CBR4: variants seen among roughly 807,000 people sequenced by gnomAD.
CBR4 encodes 3-oxoacyl-[acyl-carrier-protein] reductase.
In CBR4, 22 loss-of-function variants were observed where a neutral mutation model predicts 21.0. That is an observed-to-expected ratio of 1.05 (90% CI 0.75 to 1.50). The LOEUF (loss-of-function observed/expected upper bound fraction) is 1.50, where lower values mean the gene tolerates loss of function less well. Ranked by LOEUF, CBR4 falls within the 40% of genes most tolerant of loss-of-function variation. The pLI, the probability that CBR4 is intolerant of heterozygous loss-of-function variation, is 0.00. For synonymous variants in CBR4, 100 were observed against 104.4 expected, an observed-to-expected ratio of 0.96 and a Z score of 0.26; for missense variants, 302 against 286.3, an observed-to-expected ratio of 1.05 and a Z score of -0.40.
Position 169,010,106 on chromosome 4 carries a change from C to A in CBR4, c.-17G>T. The A allele has an allele frequency of 1.3e-6, 2 of 1,597,932 alleles. No homozygotes were observed. Among genetic ancestry groups the A allele is most frequent in the Non-Finnish European group, 1.7e-6 (2 of 1,172,086 alleles). On this transcript the variant is annotated 5_prime_UTR_variant, in exon 1 of 5. Transcript: ENST00000306193. Reference sequence around the variant, plus strand: ...TTTGTCCATCTCGGAGTCACAAACTCGGAGGAAAGAGGGTAGGGAGTGGGA... The same window carrying A: ...TTTGTCCATCTCGGAGTCACAAACTAGGAGGAAAGAGGGTAGGGAGTGGGA...
At chr4:168,929,560 C>T (rs941788948) in intron 2 of CBR4, among the ~76,000 whole-genome samples, 3 of 152,108 alleles carry the variant, frequency 2.0e-5, no homozygotes, top group African/African-American at 4.8e-5. Context: ...GCTACAACCT[C>T]CTTTATCATC....
At chr4:168,971,565 T>C (rs983714100) in intron 2 of CBR4, among the ~76,000 whole-genome samples, 5 of 151,854 alleles carry the variant, frequency 3.3e-5, no homozygotes, top group Non-Finnish European at 5.9e-5. Flanking sequence ...ATTAGAGGCA[T>C]GGGCCACTGC....
intron 2 of CBR4, among the ~76,000 whole-genome samples, chr4:168,959,470 T>C (rs897805807): frequency 2.6e-5 from 4 of 152,092 alleles, no homozygotes; most frequent in Non-Finnish European, 2.9e-5. Flanking sequence ...GGTAGTATAA[T>C]TTCTCCAATT....
At chr4:168,984,934 TG>T (rs1560978009), downstream of CBR4, among the ~76,000 whole-genome samples, 1 of 152,144 alleles carries the variant, frequency 6.6e-6, no homozygotes, top group Admixed American at 6.6e-5. Flanking sequence ...AAGACTTAAA[TG>T]TAAAACCTAA....
chr4:169,010,100 C>G lies in CBR4; in HGVS notation c.-11G>C. ...ACACACTTTGTCCATCTCGGAGTCA[C>G]AAACTCGGAGGAAAGAGGGTAGGGA... On this transcript the variant is annotated 5_prime_UTR_variant, in exon 1 of 5. Coordinates refer to ENST00000306193, the MANE Select transcript of CBR4 (RefSeq NM_032783.5). 1 of 1,578,204 alleles carries G rather than the reference C, an allele frequency of 6.3e-7. No homozygotes were observed. Among genetic ancestry groups the G allele is most frequent in the Non-Finnish European group, 8.6e-7 (1 of 1,160,556 alleles).
At chr4:169,005,875 G>A (rs1007924336) in intron 3 of CBR4, 3 of 1,287,504 alleles carry the variant, frequency 2.3e-6, no homozygotes, top group East Asian at 1.1e-4. Flanking sequence ...AAAAGAACAG[G>A]GTCACTTACT....
chr4:168,966,658 G>A (rs185067141), intron 2 of CBR4, among the ~76,000 whole-genome samples: 2 of 152,298 alleles, frequency 1.3e-5, no homozygotes, highest in Admixed American at 6.5e-5. Context: ...GCGACTCAAG[G>A]ATCTAGAACC....
At chr4:168,903,513 T>G (rs2151303901) in intron 2 of CBR4, among the ~76,000 whole-genome samples, 1 of 152,262 alleles carries the variant, frequency 6.6e-6, no homozygotes, top group South Asian at 2.1e-4. Flanking sequence ...AAATAATATA[T>G]GAATGTAAGT....
At chr4:168,955,345 T>C (rs577203125) in intron 2 of CBR4, among the ~76,000 whole-genome samples, 9 of 152,144 alleles carry the variant, frequency 5.9e-5, no homozygotes, top group Non-Finnish European at 1.2e-4. Context: ...CTTTGAGAAA[T>C]AGGAAATGAC....
rs945844854 is a variant in CBR4 at position 168,988,449 on chromosome 4, G to C, written c.*1701C>G. 1.0e-6 allele frequency: 1 copy of C among 985,376 alleles called. No homozygotes were observed. Among genetic ancestry groups the C allele is most frequent in the East Asian group, 1.1e-4 (1 of 8,814 alleles). The allele number at this position is 985,376 out of a possible 1,614,324, so 61.0% of individuals were successfully genotyped here. The stretch of plus-strand genomic sequence containing the variant: ...ATGATTTCAGAGCATAAGGTGTCCA[G>C]AGAAGAAAACTCAAGACTGAATGGG... On this transcript the variant is annotated 3_prime_UTR_variant, in exon 5 of 5. Transcript: ENST00000306193.
At chr4:168,972,117 T>C (rs775866811) in intron 2 of CBR4, among the ~76,000 whole-genome samples, 4 of 152,326 alleles carry the variant, frequency 2.6e-5, no homozygotes, top group Non-Finnish European at 5.9e-5. Context: ...TGGCTTTATT[T>C]CTGGCTTCTC....
At chr4:168,911,889 T>C (rs556373346) in intron 2 of CBR4, among the ~76,000 whole-genome samples, 1 of 152,294 alleles carries the variant, frequency 6.6e-6, no homozygotes, top group African/African-American at 2.4e-5. Context: ...GAGTCACATA[T>C]GTAGTGGTAT....
intron 2 of CBR4, among the ~76,000 whole-genome samples, chr4:168,949,173 T>C (rs552553587): frequency 1.3e-5 from 2 of 152,290 alleles, no homozygotes; most frequent in African/African-American, 4.8e-5. Context: ...GCTTGGTTGT[T>C]TTTGGTGTGT....
At chr4:168,996,211 A>G (rs1206592729) in intron 4 of CBR4, among the ~76,000 whole-genome samples, 1 of 152,176 alleles carries the variant, frequency 6.6e-6, no homozygotes, top group Non-Finnish European at 1.5e-5. Flanking sequence ...GTTGAAAGGA[A>G]GGGATGAATT....
At chr4:168,899,626 G>T (rs538787084) in intron 2 of CBR4, among the ~76,000 whole-genome samples, 9 of 152,130 alleles carry the variant, frequency 5.9e-5, no homozygotes, top group Non-Finnish European at 1.3e-4. Flanking sequence ...AAAGAAAATA[G>T]GTTTTATTGG....
intron 2 of CBR4, among the ~76,000 whole-genome samples, chr4:168,962,752 A>G (rs1218413342): frequency 5.3e-5 from 8 of 152,236 alleles, no homozygotes; most frequent in Admixed American, 3.9e-4. Context: ...AACGTGTTGA[A>G]TAAGAAGACA....
intron 3 of CBR4, among the ~76,000 whole-genome samples, chr4:169,002,658 T>C (rs1352900292): frequency 6.6e-6 from 1 of 152,174 alleles, no homozygotes; most frequent in African/African-American, 2.4e-5. Flanking sequence ...AACTAGTTCA[T>C]TTGAAGCTAA....
rs1764787060 is a variant in CBR4, at chr4:168,988,908, C to T, written c.*1242G>A. 1.0e-6 allele frequency: 1 copy of T among 981,900 alleles called. No individual in the cohort carries two copies. 60.8% of individuals were successfully genotyped at this position (981,900 alleles called of 1,614,324 possible). The stretch of plus-strand genomic sequence containing the variant: ...ATATAAAATTAAATCTCTGCTTACA[C>T]AAAATAACTGTCAGCTCCAAATCAA... On this transcript the variant is annotated 3_prime_UTR_variant, in exon 5 of 5. Transcript: ENST00000306193.
At chr4:168,962,226 C>T (rs772444105) in intron 2 of CBR4, among the ~76,000 whole-genome samples, 6 of 152,074 alleles carry the variant, frequency 3.9e-5, no homozygotes, top group Non-Finnish European at 4.4e-5. Context: ...ACTCTCTCCC[C>T]TTCTTGAAAG....
Sources: gnomAD v4.1 joint callset for allele counts (sites outside exome capture counted in the v4.1 genomes callset) on GRCh38, gnomAD v4.1.1 for gene constraint, MANE v1.5 for transcripts, NCBI Gene and HGNC (gene_info 2026-07-23, HGNC 2026-07-21) for gene names.